PTPRG: variants seen among roughly 807,000 people sequenced by gnomAD.
The protein encoded by PTPRG is receptor-type tyrosine-protein phosphatase gamma.
A neutral mutation model predicts 165.3 loss-of-function variants in PTPRG; 102 were observed. That is an observed-to-expected ratio of 0.62 (90% CI 0.53 to 0.73). The LOEUF (loss-of-function observed/expected upper bound fraction) is 0.73. Among genes scored for constraint, PTPRG ranks in the 30% least tolerant of loss-of-function variants. The pLI is 0.00. For synonymous variants in PTPRG, 675 were observed against 669.5 expected (o/e 1.01, Z -0.13); for missense variants, 1,866 against 1,861.4 (o/e 1.00, Z -0.05).
At chr3:61,913,231 T>G (rs1446731879) in intron 2 of PTPRG, among the ~76,000 whole-genome samples, 1 of 152,174 alleles carries the variant, frequency 6.6e-6, no homozygotes, top group African/African-American at 2.4e-5. Flanking sequence ...TTTTTTATTT[T>G]TTTTCTGAGA....
At chr3:61,715,504 C>A (rs141849463) in intron 1 of PTPRG, among the ~76,000 whole-genome samples, 1 of 152,130 alleles carries the variant, frequency 6.6e-6, no homozygotes, top group Non-Finnish European at 1.5e-5. Context: ...CTGGTGTGAG[C>A]CACCGCGTCT....
intron 2 of PTPRG, among the ~76,000 whole-genome samples, chr3:61,917,154 CTG>C (rs2038960605): frequency 6.6e-6 from 1 of 152,104 alleles, no homozygotes; most frequent in Admixed American, 6.6e-5. Context: ...CAATATGAAT[CTG>C]TACGGTGGAG....
chr3:62,253,157 G>A (rs967444487), intron 15 of PTPRG, among the ~76,000 whole-genome samples: 3 of 152,124 alleles, frequency 2.0e-5, no homozygotes, highest in Admixed American at 2.0e-4. Flanking sequence ...GTGGGCTATG[G>A]CCTTTAAAAT....
intron 5 of PTPRG, among the ~76,000 whole-genome samples, chr3:62,081,297 A>AAAC (rs1240385867): frequency 9.3e-5 from 14 of 150,334 alleles, no homozygotes; most frequent in African/African-American, 2.7e-4. Flanking sequence ...AACAAACAAA[A>AAAC]ACATAATTTT....
chr3:62,189,282 C>A (rs1210216944), intron 8 of PTPRG, among the ~76,000 whole-genome samples: 1 of 152,178 alleles, frequency 6.6e-6, no homozygotes, highest in Non-Finnish European at 1.5e-5. Flanking sequence ...AAGGTGGCCT[C>A]CCTGTCAAAA....
intron 23 of PTPRG, among the ~76,000 whole-genome samples, chr3:62,274,879 C>T (rs1487660002): frequency 5.9e-5 from 9 of 152,056 alleles, no homozygotes; most frequent in Admixed American, 5.9e-4. Flanking sequence ...ACCAACATTT[C>T]TTAAATTCTG....
chr3:61,634,005 C>T lies in PTPRG; in HGVS notation c.85+71633C>T, dbSNP rs187886072. The stretch of plus-strand genomic sequence containing the variant: ...TCTCAGCTCACTGCAACCTCCACCT[C>T]CTGGGTTGAAGCGATTCTCATGCCT... On this transcript the variant is annotated intron_variant, in intron 1 of 29. Transcript: ENST00000474889. Among the ~76,000 whole-genome samples the T allele has an allele frequency of 4.1e-3, 618 of 151,874 alleles. 3 individuals are homozygous for T. The highest frequency in any genetic ancestry group is 0.014 in the African/African-American group (580 of 41,402).
intron 2 of PTPRG, among the ~76,000 whole-genome samples, chr3:61,817,650 T>G (rs1462985151): frequency 6.6e-6 from 1 of 152,066 alleles, no homozygotes; most frequent in Non-Finnish European, 1.5e-5. Flanking sequence ...GAGACCTGCG[T>G]GGAATTGGCC....
At chr3:61,910,707 A>G (rs1380000277) in intron 2 of PTPRG, among the ~76,000 whole-genome samples, 2 of 152,134 alleles carry the variant, frequency 1.3e-5, no homozygotes, top group Non-Finnish European at 2.9e-5. Context: ...TCTTTTAACA[A>G]TCCAAGGCTG....
chr3:61,783,170 T>C (rs576955173), intron 2 of PTPRG, among the ~76,000 whole-genome samples: 1 of 152,302 alleles, frequency 6.6e-6, no homozygotes, highest in South Asian at 2.1e-4. Flanking sequence ...GGCAAGACCC[T>C]GTCTCCACTA....
At chr3:61,711,220 C>T (rs200335864) in intron 1 of PTPRG, among the ~76,000 whole-genome samples, 5 of 152,030 alleles carry the variant, frequency 3.3e-5, no homozygotes, top group Non-Finnish European at 7.4e-5. Flanking sequence ...TGAATAGTGC[C>T]GCAATAGACA....
intron 2 of PTPRG, among the ~76,000 whole-genome samples, chr3:61,847,761 C>G (rs903690939): frequency 1.3e-5 from 2 of 152,184 alleles, no homozygotes; most frequent in African/African-American, 2.4e-5. Flanking sequence ...AAAAAAATCT[C>G]TGCCTTAAAG....
In PTPRG at chr3:61,667,432, A is replaced by G. The variant is rs374679530; in HGVS notation, c.86-81446A>G. On this transcript the variant is annotated intron_variant, in intron 1 of 29. Coordinates refer to ENST00000474889, the MANE Select transcript of PTPRG (RefSeq NM_002841.4). ...TATATGTATTTGATACTGGTTCTAG[A>G]TAATGCCATTAATTAGATTTAAAAT... is the stretch of plus-strand genomic sequence containing the variant. Among the ~76,000 whole-genome samples the G allele has an allele frequency of 2.7e-4, 41 of 152,286 alleles. No homozygotes were observed. The East Asian group carries it at 6.0e-3, about 22-fold the overall frequency.
At chr3:61,566,955 A>C (rs1274525376) in intron 1 of PTPRG, among the ~76,000 whole-genome samples, 1 of 152,230 alleles carries the variant, frequency 6.6e-6, no homozygotes, top group African/African-American at 2.4e-5. Context: ...ATTGTAGTTA[A>C]TACTGTCATC....
intron 1 of PTPRG, among the ~76,000 whole-genome samples, chr3:61,693,164 A>G (rs1373232851): frequency 6.6e-6 from 1 of 152,266 alleles, no homozygotes; most frequent in Non-Finnish European, 1.5e-5. Flanking sequence ...TGAGGTAGGC[A>G]TCATATTAAG....
At chr3:61,813,457 G>A (rs1402551967) in intron 2 of PTPRG, among the ~76,000 whole-genome samples, 23 of 148,398 alleles carry the variant, frequency 1.5e-4, no homozygotes, top group Admixed American at 4.7e-4. Context: ...CAGAGGTTGC[G>A]TTGAGCTGAG....
chr3:61,631,124 A>T (rs533595624), intron 1 of PTPRG, among the ~76,000 whole-genome samples: 1 of 152,154 alleles, frequency 6.6e-6, no homozygotes, highest in African/African-American at 2.4e-5. Context: ...TCTTCAGACT[A>T]TTGGAAGCAG....
intron 2 of PTPRG, among the ~76,000 whole-genome samples, chr3:61,792,735 T>G: frequency 9.7e-6 from 1 of 103,186 alleles, no homozygotes; most frequent in African/African-American, 3.8e-5. Flanking sequence ...TTTCTTTCTT[T>G]CTTTCTTTCT....
chr3:62,015,768 A>G (rs1446686363), intron 4 of PTPRG, among the ~76,000 whole-genome samples: 1 of 152,216 alleles, frequency 6.6e-6, no homozygotes, highest in Non-Finnish European at 1.5e-5. Context: ...GGTGGGCCAC[A>G]GAGGAGTGTT....
Sources: allele counts gnomAD v4.1 joint callset (sites outside exome capture counted in the v4.1 genomes callset), GRCh38; gene constraint gnomAD v4.1.1; transcripts MANE v1.5; gene names NCBI Gene and HGNC (gene_info 2026-07-23, HGNC 2026-07-21).